MGME1: variants seen among roughly 807,000 people sequenced by gnomAD.
MGME1 encodes chromosome 20 open reading frame 72.
Under a neutral mutation model 33.0 loss-of-function variants are expected in MGME1, and 22 were observed. The observed-to-expected ratio is 0.67, with a 90% CI of 0.48 to 0.95. MGME1 has a LOEUF of 0.95. Among genes scored for constraint, MGME1 ranks in the 40% least tolerant of loss-of-function variants. The pLI is 0.00. For synonymous variants in MGME1, 133 were observed against 144.0 expected (o/e 0.92, Z 0.55); for missense variants, 383 against 397.8 (o/e 0.96, Z 0.32).
chr20:17,979,243 A>G (rs1034205720), intron 3 of MGME1, among the ~76,000 whole-genome samples: 3 of 151,250 alleles, frequency 2.0e-5, no homozygotes, highest in African/African-American at 7.3e-5. Flanking sequence ...CGCCCAGCTA[A>G]TTTTTTTGTA....
Position 17,970,037 on chromosome 20 carries a change from T to A in MGME1, c.178T>A (p.Leu60Met). 6.2e-7 allele frequency: 1 copy of A among 1,614,220 alleles called. No homozygotes were observed. The highest frequency in any genetic ancestry group is 8.5e-7 in the Non-Finnish European group (1 of 1,180,042). The change falls in exon 2 of 5, where the codon TTG becomes ATG. Residue 60 changes from leucine (L) to methionine (M), a missense_variant. Coordinates refer to ENST00000377710, the MANE Select transcript of MGME1 (RefSeq NM_052865.4). ...EKYSNLVQSV[L>M]SSRGVAQTPG... ...ATACTCTAATTTAGTTCAGTCTGTC[T>A]TGTCATCCAGAGGCGTCGCCCAGAC... is the stretch of plus-strand genomic sequence containing the variant.
chr20:17,975,420 G>A (rs1047851081), intron 2 of MGME1, among the ~76,000 whole-genome samples: 3 of 151,958 alleles, frequency 2.0e-5, no homozygotes, highest in South Asian at 2.1e-4. Context: ...AGCCAGGCAC[G>A]GTGGCGGGCG....
At chr20:17,981,466 A>G (rs2036016272) in intron 3 of MGME1, among the ~76,000 whole-genome samples, 1 of 152,218 alleles carries the variant, frequency 6.6e-6, no homozygotes, top group Non-Finnish European at 1.5e-5. Flanking sequence ...CTTAATGCAT[A>G]CTATGTATTC....
intron 3 of MGME1, among the ~76,000 whole-genome samples, chr20:17,979,707 C>T (rs1352681016): frequency 6.6e-6 from 1 of 151,170 alleles, no homozygotes; most frequent in Non-Finnish European, 1.5e-5. Flanking sequence ...TGAGCCACCG[C>T]ACCGGGCCTA....
chr20:17,975,746 A>G lies in MGME1; in HGVS notation c.574A>G (p.Thr192Ala), dbSNP rs772310207. The G allele has an allele frequency of 6.2e-7, 1 of 1,614,044 alleles. No individual in the cohort carries two copies. Among genetic ancestry groups the G allele is most frequent in the South Asian group, 1.1e-5 (1 of 91,078 alleles). The change falls in exon 3 of 5, where the codon ACC becomes GCC. Residue 192 changes from threonine (T) to alanine (A), a missense_variant. By Grantham distance (58) the Thr-to-Ala change is moderately conservative. Transcript: ENST00000377710. ...GGAAAGCATACTTTCACCCCAGGAAACCTTAAAAGAGAGAGATGAAAATCT... is the reference window on the plus strand; with the variant it reads ...GGAAAGCATACTTTCACCCCAGGAAGCCTTAAAAGAGAGAGATGAAAATCT... ...ALESILSPQETLKERDENLLK... is the reference protein window; with the variant it reads ...ALESILSPQEALKERDENLLK...
At chr20:17,975,088 G>A (rs1483457198) in intron 2 of MGME1, among the ~76,000 whole-genome samples, 1 of 152,090 alleles carries the variant, frequency 6.6e-6, no homozygotes, top group Non-Finnish European at 1.5e-5. Flanking sequence ...ACTGGATGTG[G>A]TCTTGTAGCC....
chr20:17,968,889 G>A, upstream of MGME1: 1 of 160,668 alleles, frequency 6.2e-6, no homozygotes. Flanking sequence ...GCAGAAGGGC[G>A]CGATTTGGAG....
intron 3 of MGME1, among the ~76,000 whole-genome samples, chr20:17,980,536 G>T (rs145529688): frequency 6.6e-6 from 1 of 151,430 alleles, no homozygotes; most frequent in African/African-American, 2.4e-5. Context: ...CAGGCTGGGC[G>T]CAGTGGCTCA....
chr20:17,972,912 T>A (rs888490233), intron 2 of MGME1, among the ~76,000 whole-genome samples: 3 of 152,188 alleles, frequency 2.0e-5, no homozygotes, highest in Non-Finnish European at 4.4e-5. Flanking sequence ...GTCATAAATT[T>A]CTTGTAGGTC....
At position 17,969,898 on chromosome 20, in the gene MGME1, CA is replaced by C; in HGVS notation, c.40del (p.Arg14GlyfsTer28). 6.2e-7 allele frequency: 1 copy of C among 1,613,574 alleles called. No individual in the cohort carries two copies. ...TATTTCAGACCATTTGCAGGCAGCT[CA>C]GGAGTTCAAAGTTTTCTGTGGAATC... ...KLFQTICRQLRSSKFSVESAA... is the reference protein window; with the variant it reads ...KLFQTICRQLXSSKFSVESAA... On this transcript the variant is annotated frameshift_variant, in exon 2 of 5. Transcript: ENST00000377710. LOFTEE classifies it high-confidence loss of function.
chr20:17,977,281 C>A (rs1354321138), intron 3 of MGME1, among the ~76,000 whole-genome samples: 1 of 151,520 alleles, frequency 6.6e-6, no homozygotes, highest in Non-Finnish European at 1.5e-5. Context: ...GAGTCTGAGG[C>A]AGGAGAATCA....
chr20:17,976,992 G>A (rs1409295779), intron 3 of MGME1, among the ~76,000 whole-genome samples: 1 of 151,932 alleles, frequency 6.6e-6, no homozygotes, highest in African/African-American at 2.4e-5. Context: ...CTGTCTTACT[G>A]TTTTACTCAG....
chr20:17,969,832 A>C lies in MGME1; in HGVS notation c.-28A>C. The C allele has an allele frequency of 6.3e-7, 1 of 1,576,584 alleles. No homozygotes were observed. Among genetic ancestry groups the C allele is most frequent in the South Asian group, 1.2e-5 (1 of 84,632 alleles). ...AAACATAAAGGCCTTCGACCGTTGC[A>C]AATAGACTAAAGTGAAAACAAATCT... On this transcript the variant is annotated 5_prime_UTR_variant, in exon 2 of 5. Coordinates refer to ENST00000377710, the MANE Select transcript of MGME1 (RefSeq NM_052865.4).
intron 2 of MGME1, among the ~76,000 whole-genome samples, 166 bp downstream of exon 2, chr20:17,970,536 G>T (rs2035701221): frequency 6.6e-6 from 1 of 152,192 alleles, no homozygotes; most frequent in South Asian, 2.1e-4. Context: ...TAACTCACTT[G>T]ATCCTCATGG....
chr20:17,978,167 A>G (rs1392594418), intron 3 of MGME1, among the ~76,000 whole-genome samples: 1 of 152,196 alleles, frequency 6.6e-6, no homozygotes, highest in African/African-American at 2.4e-5. Context: ...CACCCTTGAT[A>G]GTCTGAAAAC....
At position 17,977,116 on chromosome 20, in the gene MGME1, C is replaced by G. The variant is rs1281770666; in HGVS notation, c.731+1213C>G. The stretch of plus-strand genomic sequence containing the variant: ...TGAAGGCAGGCACAGTGGCTCACGC[C>G]TGTAATCCCAGCACTTTGGGAGGCC... On this transcript the variant is annotated intron_variant, in intron 3 of 4. Transcript: ENST00000377710. Among the ~76,000 whole-genome samples the G allele has an allele frequency of 3.3e-5, 5 of 152,136 alleles. No individual in the cohort carries two copies. The East Asian group carries it at 9.7e-4, about 30-fold the overall frequency.
intron 3 of MGME1, among the ~76,000 whole-genome samples, chr20:17,980,760 G>A: frequency 6.7e-6 from 1 of 149,140 alleles, no homozygotes; most frequent in African/African-American, 2.5e-5. Flanking sequence ...AGTGAGCTGA[G>A]ATCACGCCAC....
intron 4 of MGME1, among the ~76,000 whole-genome samples, 192 bp downstream of exon 4, chr20:17,988,490 A>G (rs535494713): frequency 4.5e-4 from 69 of 152,050 alleles, no homozygotes; most frequent in African/African-American, 1.6e-3. Flanking sequence ...AAAAATACAA[A>G]AACTAGCTGG....
intron 2 of MGME1, among the ~76,000 whole-genome samples, chr20:17,974,960 GT>G (rs1846970073): frequency 6.6e-6 from 1 of 152,044 alleles, no homozygotes; most frequent in Non-Finnish European, 1.5e-5. Flanking sequence ...TCATAATTAA[GT>G]TTTGGTCTAA....
Sources: allele counts gnomAD v4.1 joint callset (sites outside exome capture counted in the v4.1 genomes callset), GRCh38; gene constraint gnomAD v4.1.1; transcripts MANE v1.5; gene names NCBI Gene and HGNC (gene_info 2026-07-23, HGNC 2026-07-21).